CREBRF: variants seen among roughly 807,000 people sequenced by gnomAD.
The protein encoded by CREBRF is UPF0474 protein C5orf41.
In CREBRF, 5 loss-of-function variants were observed where a neutral mutation model predicts 66.1. The observed-to-expected ratio is 0.08, with a 90% CI of 0.04 to 0.16. The LOEUF (loss-of-function observed/expected upper bound fraction) is 0.16. CREBRF is among the 10% of genes least tolerant of loss of function. The pLI, the probability that CREBRF is intolerant of heterozygous loss-of-function variation, is 1.00. For synonymous variants in CREBRF, 229 were observed against 264.4 expected (o/e 0.87, Z 1.30); for missense variants, 531 against 744.9 (o/e 0.71, Z 3.34).
chr5:173,077,713 C>G (rs2113699857), intron 1 of CREBRF, among the ~76,000 whole-genome samples: 1 of 152,170 alleles, frequency 6.6e-6, no homozygotes, highest in East Asian at 1.9e-4. Flanking sequence ...CTTTTATCAT[C>G]CCAAACAGAA....
At chr5:173,056,588 G>C in intron 1 of CREBRF, 109 bp downstream of exon 1, 1 of 393,424 alleles carries the variant, frequency 2.5e-6, no homozygotes, top group Non-Finnish European at 4.5e-6. Flanking sequence ...CTGGGGCTCT[G>C]GGCCGGGCCG....
At chr5:173,067,437 G>A (rs771293309) in intron 1 of CREBRF, among the ~76,000 whole-genome samples, 2 of 152,104 alleles carry the variant, frequency 1.3e-5, no homozygotes, top group African/African-American at 2.4e-5. Flanking sequence ...AAGCTAGAGA[G>A]CACAGGCCAA....
At position 173,086,496 on chromosome 5, in the gene CREBRF, T is replaced by TGTAG; in HGVS notation, c.10-4_10-1dup. 1 of 1,612,778 alleles carries TGTAG rather than the reference T, an allele frequency of 6.2e-7. No individual in the cohort carries two copies. ...CTTTCTAAAATAAAAATCACTCTGT[T>TGTAG]GTAGCCTAGTGTAAGCGGAATGGAT... On this transcript the variant is annotated splice_polypyrimidine_tract_variant and splice_region_variant and intron_variant, in intron 2 of 8. Coordinates refer to ENST00000296953, the MANE Select transcript of CREBRF (RefSeq NM_153607.3).
At chr5:173,067,859 G>C (rs1244658051) in intron 1 of CREBRF, among the ~76,000 whole-genome samples, 3 of 152,090 alleles carry the variant, frequency 2.0e-5, no homozygotes, top group Non-Finnish European at 4.4e-5. Context: ...AATAAGCCGG[G>C]TGTGGTGGCG....
At chr5:173,096,055 C>T (rs1453906736) in intron 4 of CREBRF, among the ~76,000 whole-genome samples, 8 of 151,970 alleles carry the variant, frequency 5.3e-5, no homozygotes, top group Non-Finnish European at 1.0e-4. Context: ...CTGCAAACTC[C>T]GCCTCCCGGG....
In CREBRF at chr5:173,139,138, A is replaced by G. The variant is rs1249651078; in HGVS notation, c.*5393A>G. ...ATTAAATGTTGGTTAATAGTTGTGC[A>G]GTTTTTCATTTCAGATGGAAAGGCA... On this transcript the variant is annotated 3_prime_UTR_variant, in exon 9 of 9. Transcript: ENST00000296953. 1 of 152,074 alleles carries G rather than the reference A, an allele frequency of 6.6e-6. No individual in the cohort carries two copies. Among genetic ancestry groups the G allele is most frequent in the Non-Finnish European group, 1.5e-5 (1 of 68,022 alleles). The allele number at this position is 152,074 out of a possible 1,614,324, so 9.4% of individuals were successfully genotyped here.
At chr5:173,087,037 C>T (rs977048560) in intron 3 of CREBRF, among the ~76,000 whole-genome samples, 5 of 151,646 alleles carry the variant, frequency 3.3e-5, no homozygotes, top group Non-Finnish European at 7.4e-5. Context: ...ACCTCCATCT[C>T]CTGGGTTTAA....
chr5:173,104,247 T>G (rs1758695964), intron 4 of CREBRF, among the ~76,000 whole-genome samples: 1 of 152,212 alleles, frequency 6.6e-6, no homozygotes, highest in Non-Finnish European at 1.5e-5. Flanking sequence ...AGAATTCACT[T>G]CGGGTAAAAC....
At chr5:173,132,267 C>T (rs561139658) in intron 8 of CREBRF, among the ~76,000 whole-genome samples, 14 of 146,966 alleles carry the variant, frequency 9.5e-5, no homozygotes, top group East Asian at 4.2e-4. Flanking sequence ...TTGTATTTTT[C>T]GTAGAGACAG....
chr5:173,120,683 C>A, intron 7 of CREBRF, among the ~76,000 whole-genome samples: 1 of 51,284 alleles, frequency 1.9e-5, no homozygotes, highest in Admixed American at 2.7e-4. Context: ...GCCTGAGCCT[C>A]TTTTTTTTTT....
At chr5:173,074,542 TTTTG>T (rs1757702615) in intron 1 of CREBRF, among the ~76,000 whole-genome samples, 2 of 152,088 alleles carry the variant, frequency 1.3e-5, no homozygotes, top group Non-Finnish European at 2.9e-5. Context: ...GGTGGTTTTA[TTTTG>T]TTTAATTACA....
chr5:173,071,981 G>A (rs1252402584), intron 1 of CREBRF, among the ~76,000 whole-genome samples: 6 of 152,140 alleles, frequency 3.9e-5, no homozygotes, highest in African/African-American at 1.4e-4. Context: ...CTTGAGCCTG[G>A]AAGGTGGAAG....
At chr5:173,061,665 C>T (rs138510795) in intron 1 of CREBRF, among the ~76,000 whole-genome samples, 307 of 152,244 alleles carry the variant, frequency 2.0e-3, no homozygotes, top group Admixed American at 4.7e-3. Context: ...TTCAAATATG[C>T]AGTTAATTTA....
intron 7 of CREBRF, 99 bp from the exon 8 acceptor site, chr5:173,122,981 C>G: frequency 8.4e-7 from 1 of 1,195,428 alleles, no homozygotes. Context: ...GCCACATTTT[C>G]TTAATCCAGT....
At chr5:173,106,058 GCT>G (rs1017593433) in intron 4 of CREBRF, among the ~76,000 whole-genome samples, 1 of 152,164 alleles carries the variant, frequency 6.6e-6, no homozygotes, top group African/African-American at 2.4e-5. Context: ...CAAAGCCATT[GCT>G]TTATTCTAAT....
intron 5 of CREBRF, chr5:173,109,337 G>A (rs1758821137): frequency 6.6e-6 from 1 of 152,526 alleles, no homozygotes; most frequent in African/African-American, 2.4e-5. Flanking sequence ...ATCTTAGGTA[G>A]GTCAGGCCGT....
At chr5:173,087,704 T>C (rs984997074) in intron 3 of CREBRF, among the ~76,000 whole-genome samples, 1 of 130,174 alleles carries the variant, frequency 7.7e-6, no homozygotes, top group Non-Finnish European at 1.6e-5. Context: ...AAAAGGATGC[T>C]TCTGGGTATG....
At chr5:173,131,695 TACACACACACACACACAC>T (rs67580803) in intron 8 of CREBRF, among the ~76,000 whole-genome samples, 1 of 148,922 alleles carries the variant, frequency 6.7e-6, no homozygotes, top group Non-Finnish European at 1.5e-5. Flanking sequence ...TATATATGTA[TACACACACACACACACAC>T]ACACACACAC....
At chr5:173,098,210 T>C (rs1282404601) in intron 4 of CREBRF, among the ~76,000 whole-genome samples, 8 of 150,088 alleles carry the variant, frequency 5.3e-5, no homozygotes, top group Non-Finnish European at 1.0e-4. Flanking sequence ...TTTTTTGACA[T>C]GGAGTCTCGC....
Sources: gnomAD v4.1 joint callset for allele counts (sites outside exome capture counted in the v4.1 genomes callset) on GRCh38, gnomAD v4.1.1 for gene constraint, MANE v1.5 for transcripts, NCBI Gene and HGNC (gene_info 2026-07-23, HGNC 2026-07-21) for gene names.